Variants in DNAH11 observed in about 807,000 individuals in gnomAD.
DNAH11 encodes axonemal beta dynein heavy chain 11.
DNAH11 carries 442 observed loss-of-function variants against 526.0 expected under a neutral mutation model. That is an observed-to-expected ratio of 0.84 (90% confidence interval 0.78 to 0.91). The LOEUF is 0.91. Ranked by LOEUF, DNAH11 falls within the 40% of genes least tolerant of loss-of-function variation. The pLI, the probability that DNAH11 is intolerant of heterozygous loss-of-function variation, is 0.00. For missense variants in DNAH11, 6,989 were observed against 5,448.7 expected (o/e 1.28, Z -8.90); for synonymous variants, 2,461 against 1,935.9 (o/e 1.27, Z -7.12).
intron 28 of DNAH11, among the ~76,000 whole-genome samples, chr7:21,641,163 C>T (rs180688748): frequency 3.1e-4 from 47 of 152,302 alleles, no homozygotes; most frequent in Non-Finnish European, 5.6e-4. Flanking sequence ...GATGTCCAAA[C>T]AAGGGGCACA....
chr7:21,549,531 T>C (rs1397967315), intron 2 of DNAH11, among the ~76,000 whole-genome samples: 1 of 152,142 alleles, frequency 6.6e-6, no homozygotes. Context: ...TGAGAACAAA[T>C]TGCCCTAGGG....
chr7:21,647,425 TTC>T (rs1427718888), intron 28 of DNAH11, among the ~76,000 whole-genome samples: 2 of 110,368 alleles, frequency 1.8e-5, no homozygotes, highest in East Asian at 2.5e-4. Flanking sequence ...ATTTCTTTCT[TTC>T]TTTTTTTTTT....
chr7:21,864,861 C>G (rs1424341687), intron 70 of DNAH11, among the ~76,000 whole-genome samples: 1 of 152,128 alleles, frequency 6.6e-6, no homozygotes. Flanking sequence ...GAGCTTTTGG[C>G]TTATGTATGC....
Position 21,589,345 on chromosome 7 carries a change from A to T in DNAH11, c.2111A>T (p.Gln704Leu), listed in dbSNP as rs377725666. The T allele has an allele frequency of 1.2e-6, 2 of 1,610,048 alleles. No homozygotes were observed. Among genetic ancestry groups the T allele is most frequent in the East Asian group, 4.5e-5 (2 of 44,528 alleles). Residue 704 changes from glutamine to leucine, a missense_variant, in exon 12 of 82, where the codon CAA becomes CTA. By Grantham distance (113) the Gln-to-Leu change is moderately radical. Coordinates refer to ENST00000409508, the MANE Select transcript of DNAH11 (RefSeq NM_001277115.2). ...GAAATCTGTGAATTCAATTTGAATC[A>T]ACCCTTGGTTAAATTCAGTGCCATA... ...VDEICEFNLN[Q>L]PLVKFSAING...
intron 25 of DNAH11, among the ~76,000 whole-genome samples, chr7:21,628,213 A>G (rs10271288): frequency 0.44 from 67,525 of 151,796 alleles, 15,451 homozygotes; most frequent in East Asian, 0.61. Context: ...GGTTTTTCTA[A>G]GTACAAGATC....
At chr7:21,818,870 A>G (rs897084795) in intron 65 of DNAH11, among the ~76,000 whole-genome samples, 2 of 152,166 alleles carry the variant, frequency 1.3e-5, no homozygotes, top group Non-Finnish European at 2.9e-5. Flanking sequence ...ATGGATTGTC[A>G]ACAACAGAGA....
chr7:21,766,579 A>C (rs1787194896), intron 55 of DNAH11, among the ~76,000 whole-genome samples: 1 of 152,192 alleles, frequency 6.6e-6, no homozygotes, highest in Non-Finnish European at 1.5e-5. Flanking sequence ...TTTCCAAAGC[A>C]ATCCTTTTAC....
At chr7:21,689,405 G>A (rs1783517336) in intron 34 of DNAH11, among the ~76,000 whole-genome samples, 1 of 152,226 alleles carries the variant, frequency 6.6e-6, no homozygotes, top group South Asian at 2.1e-4. Flanking sequence ...TATGCAGACA[G>A]CTCTGCTCCT....
chr7:21,645,826 G>A (rs1409308990), intron 28 of DNAH11, among the ~76,000 whole-genome samples: 1 of 151,826 alleles, frequency 6.6e-6, no homozygotes, highest in Admixed American at 6.6e-5. Context: ...ATCTAAATGT[G>A]AAAGGTGAAA....
rs531673766 is a variant in DNAH11, at chr7:21,851,354, A to C, written c.10897-1113A>C. 3.2e-5 allele frequency: 10 copies of C among 307,862 alleles called. No individual in the cohort carries two copies. The East Asian group carries it at 6.9e-4, about 21-fold the overall frequency. The allele number at this position is 307,862 out of a possible 1,614,324, so 19.1% of individuals were successfully genotyped here. ...CCTGATGCCTCCCCAGCTATACGGAACTATGAGTCAATTAAATCTCTTTTC... is the reference window on the plus strand; with the variant it reads ...CCTGATGCCTCCCCAGCTATACGGACCTATGAGTCAATTAAATCTCTTTTC... On this transcript the variant is annotated intron_variant, in intron 66 of 81. Transcript: ENST00000409508.
intron 28 of DNAH11, among the ~76,000 whole-genome samples, chr7:21,652,745 C>G (rs1242994287): frequency 6.6e-6 from 1 of 152,114 alleles, no homozygotes; most frequent in Non-Finnish European, 1.5e-5. Context: ...AATTTTTGTA[C>G]TAATCTTTTA....
chr7:21,676,948 A>C (rs2128471003), intron 30 of DNAH11, among the ~76,000 whole-genome samples: 1 of 152,290 alleles, frequency 6.6e-6, no homozygotes, highest in East Asian at 1.9e-4. Flanking sequence ...TCTGTTCAGC[A>C]TACACCCATT....
intron 42 of DNAH11, among the ~76,000 whole-genome samples, chr7:21,712,933 T>C (rs781349535): frequency 6.6e-6 from 1 of 152,206 alleles, no homozygotes; most frequent in Non-Finnish European, 1.5e-5. Context: ...ACTCAGTAAA[T>C]ATTTGTTGAG....
At chr7:21,707,658 G>A (rs1784320966) in intron 39 of DNAH11, 41 bp from the exon 40 acceptor site, 1 of 1,597,228 alleles carries the variant, frequency 6.3e-7, no homozygotes, top group Non-Finnish European at 8.5e-7. Flanking sequence ...TTTGGCTTAT[G>A]TTAGTATTAA....
intron 55 of DNAH11, 57 bp from the exon 56 acceptor site, chr7:21,773,709 A>C: frequency 1.1e-6 from 1 of 886,216 alleles, no homozygotes; most frequent in South Asian, 3.0e-5. Context: ...GATTTTTTTT[A>C]AGTTGTATTT....
intron 2 of DNAH11, among the ~76,000 whole-genome samples, chr7:21,549,457 G>A (rs978922464): frequency 2.0e-5 from 3 of 152,132 alleles, no homozygotes; most frequent in African/African-American, 4.8e-5. Context: ...GAACTAAAGC[G>A]TTTATTATGG....
At chr7:21,730,174 C>T (rs1316985940) in intron 45 of DNAH11, among the ~76,000 whole-genome samples, 1 of 152,168 alleles carries the variant, frequency 6.6e-6, no homozygotes, top group Non-Finnish European at 1.5e-5. Flanking sequence ...GATATCTGCA[C>T]TCGCATGTTT....
At chr7:21,860,469 G>C (rs574040033) in intron 68 of DNAH11, among the ~76,000 whole-genome samples, 3 of 152,300 alleles carry the variant, frequency 2.0e-5, no homozygotes, top group Admixed American at 6.5e-5. Flanking sequence ...AATCAAAAGA[G>C]TGTCTTTAGG....
chr7:21,629,850 TC>T (rs1335348208), intron 25 of DNAH11, among the ~76,000 whole-genome samples: 2 of 152,146 alleles, frequency 1.3e-5, no homozygotes, highest in African/African-American at 4.8e-5. Context: ...ACTGTATAGT[TC>T]TGTTATGTTT....
Sources: gnomAD v4.1 joint callset for allele counts (sites outside exome capture counted in the v4.1 genomes callset) on GRCh38, gnomAD v4.1.1 for gene constraint, MANE v1.5 for transcripts, NCBI Gene and HGNC (gene_info 2026-07-23, HGNC 2026-07-21) for gene names.